ZNF236: variants seen among roughly 807,000 people sequenced by gnomAD.
The protein encoded by ZNF236 is regulated by glucose.
A neutral mutation model predicts 191.2 loss-of-function variants in ZNF236; 50 were observed. The ratio of observed to expected loss-of-function variants is 0.26; its 90% CI spans 0.21 to 0.33. The LOEUF is 0.33. ZNF236 is among the 10% of genes least tolerant of loss of function. The probability of loss-of-function intolerance (pLI) is 1.00; values close to 1 mark genes in which losing one functional copy is unlikely to be tolerated. For synonymous variants in ZNF236, 907 were observed against 928.8 expected (o/e 0.98, Z 0.43); for missense variants, 1,754 against 2,374.5 (o/e 0.74, Z 5.43).
At chr18:76,828,195 C>A (rs1305256479) in intron 1 of ZNF236, among the ~76,000 whole-genome samples, 1 of 148,900 alleles carries the variant, frequency 6.7e-6, no homozygotes, top group Non-Finnish European at 1.5e-5. Flanking sequence ...GAGACAAGGT[C>A]TCGTTCTCTC....
At chr18:76,839,001 G>A (rs1166532179) in intron 1 of ZNF236, among the ~76,000 whole-genome samples, 1 of 152,170 alleles carries the variant, frequency 6.6e-6, no homozygotes, top group Admixed American at 6.5e-5. Context: ...GTTTTCTTAC[G>A]TCTGGCTTCT....
At chr18:76,871,600 T>A (rs1976585766) in intron 4 of ZNF236, 101 bp from the exon 5 acceptor site, 2 of 1,376,132 alleles carry the variant, frequency 1.5e-6, no homozygotes, top group South Asian at 2.5e-5. Context: ...AAACAGGTTC[T>A]GATGACTAGT....
Position 76,913,802 on chromosome 18 carries a change from C to T in ZNF236, c.2965C>T (p.Arg989Trp), listed in dbSNP as rs763298466. The T allele has an allele frequency of 8.7e-6, 14 of 1,614,204 alleles. No individual in the cohort carries two copies. Among genetic ancestry groups the T allele is most frequent in the South Asian group, 5.5e-5 (5 of 91,086 alleles). Residue 989 changes from arginine (R) to tryptophan (W), a missense_variant, in exon 18 of 31, where the codon CGG (arginine) becomes TGG (tryptophan). Arg to Trp is a moderately radical substitution (Grantham distance 101). Transcript: ENST00000320610. Reference sequence around the variant, plus strand: ...GTCCAGCCACCTGAAGCAGCATGTGCGGTCGCACACCGGGGAAAAGCCCTA... The same window carrying T: ...GTCCAGCCACCTGAAGCAGCATGTGTGGTCGCACACCGGGGAAAAGCCCTA... Reference protein sequence around the residue: ...KKSSHLKQHVRSHTGEKPYKC... With the variant: ...KKSSHLKQHVWSHTGEKPYKC...
intron 10 of ZNF236, among the ~76,000 whole-genome samples, chr18:76,896,408 C>T (rs1291186948): frequency 6.8e-6 from 1 of 147,568 alleles, no homozygotes; most frequent in Non-Finnish European, 1.5e-5. Flanking sequence ...GTACCAAACA[C>T]AGTACTACAC....
rs1312539325 is a variant in ZNF236 at position 76,927,873 on chromosome 18, G to A, written c.4415-54G>A. 2.8e-5 allele frequency: 37 copies of A among 1,300,956 alleles called. No individual in the cohort carries two copies. Among genetic ancestry groups the A allele is most frequent in the Non-Finnish European group, 3.9e-5 (37 of 953,016 alleles). 80.6% of individuals were successfully genotyped at this position (1,300,956 alleles called of 1,614,324 possible). Reference sequence around the variant, plus strand: ...TAAAATATTTTTAATATAAAAACAGGGGAAATTGGTTATTTTGAATCTCAA... The same window carrying A: ...TAAAATATTTTTAATATAAAAACAGAGGAAATTGGTTATTTTGAATCTCAA... On this transcript the variant is annotated intron_variant, in intron 24 of 30. Coordinates refer to ENST00000320610, the MANE Select transcript of ZNF236 (RefSeq NM_001306089.2). The surrounding 1 kb of genome is among the most constrained non-coding windows in gnomAD (Gnocchi z 5.4).
intron 11 of ZNF236, among the ~76,000 whole-genome samples, chr18:76,901,886 C>T (rs530345131): frequency 6.6e-6 from 1 of 152,282 alleles, no homozygotes; most frequent in South Asian, 2.1e-4. Context: ...GCGTAGAATA[C>T]TTTGATATCC....
chr18:76,881,788 G>A (rs1976909973), intron 9 of ZNF236, among the ~76,000 whole-genome samples: 1 of 152,164 alleles, frequency 6.6e-6, no homozygotes, highest in African/African-American at 2.4e-5. Flanking sequence ...CTGTTCTCTT[G>A]AAAGCTTGTT....
At chr18:76,857,136 C>T (rs563583145) in intron 3 of ZNF236, among the ~76,000 whole-genome samples, 17 of 151,958 alleles carry the variant, frequency 1.1e-4, no homozygotes, top group African/African-American at 3.6e-4. Context: ...AGGGCCTCCC[C>T]GCCTCCCCAT....
intron 1 of ZNF236, chr18:76,824,367 T>C (rs200591884): frequency 8.2e-5 from 64 of 780,974 alleles, no homozygotes; most frequent in Admixed American, 3.4e-5. Context: ...CATGGGCCTT[T>C]GTGGGCTGCT....
intron 11 of ZNF236, among the ~76,000 whole-genome samples, chr18:76,902,072 T>C (rs1406945806): frequency 6.6e-6 from 1 of 152,206 alleles, no homozygotes; most frequent in Non-Finnish European, 1.5e-5. Flanking sequence ...TATATTTTGC[T>C]TGTTGGCTTC....
intron 10 of ZNF236, 144 bp from the exon 11 acceptor site, chr18:76,898,875 T>C: frequency 1.4e-6 from 1 of 704,794 alleles, no homozygotes; most frequent in Non-Finnish European, 2.3e-6. Flanking sequence ...GGAAAATAAT[T>C]TACAATATCC....
chr18:76,843,665 A>C (rs1482142591), intron 1 of ZNF236, among the ~76,000 whole-genome samples: 1 of 150,706 alleles, frequency 6.6e-6, no homozygotes, highest in African/African-American at 2.4e-5. Context: ...AGTCCCAGCT[A>C]CTCAGGAGGC....
intron 3 of ZNF236, 54 bp downstream of exon 3, chr18:76,851,993 G>A: frequency 6.6e-7 from 1 of 1,508,992 alleles, no homozygotes; most frequent in Non-Finnish European, 8.9e-7. Flanking sequence ...AAATACATCT[G>A]ATCATGAGTC....
intron 25 of ZNF236, among the ~76,000 whole-genome samples, chr18:76,929,698 G>C (rs151260753): frequency 6.6e-6 from 1 of 152,134 alleles, no homozygotes; most frequent in Non-Finnish European, 1.5e-5. Flanking sequence ...TCAACTTTGG[G>C]CTTCAGATTG....
At chr18:76,904,225 A>G (rs1010173327) in intron 11 of ZNF236, among the ~76,000 whole-genome samples, 155 bp from the exon 12 acceptor site, 24 of 152,048 alleles carry the variant, frequency 1.6e-4, no homozygotes, top group Admixed American at 8.5e-4. Context: ...TTCTTTGAAT[A>G]GCCAGTTCCT....
intron 9 of ZNF236, among the ~76,000 whole-genome samples, chr18:76,891,736 C>G (rs904713729): frequency 2.0e-5 from 3 of 151,828 alleles, no homozygotes; most frequent in Non-Finnish European, 4.4e-5. Context: ...AGGTGGCCAC[C>G]CAGATGTGCA....
At chr18:76,903,557 G>C (rs1156651342) in intron 11 of ZNF236, among the ~76,000 whole-genome samples, 2 of 152,200 alleles carry the variant, frequency 1.3e-5, no homozygotes, top group Admixed American at 6.5e-5. Flanking sequence ...ATGGAGAGCT[G>C]TGGGCAGAGG....
chr18:76,924,114 G>A (rs891049574), intron 21 of ZNF236, among the ~76,000 whole-genome samples: 1 of 152,152 alleles, frequency 6.6e-6, no homozygotes, highest in African/African-American at 2.4e-5. Flanking sequence ...CCCTGAGCTT[G>A]TTTATATGAC....
At chr18:76,832,572 GT>G (rs970413214) in intron 1 of ZNF236, among the ~76,000 whole-genome samples, 98 of 139,774 alleles carry the variant, frequency 7.0e-4, no homozygotes, top group African/African-American at 1.6e-3. Flanking sequence ...CTTTTCCACT[GT>G]TTTTTTTTTT....
Sources: allele counts gnomAD v4.1 joint callset (sites outside exome capture counted in the v4.1 genomes callset), GRCh38; gene constraint gnomAD v4.1.1; non-coding constraint Gnocchi (gnomAD v3.1); transcripts MANE v1.5; gene names NCBI Gene and HGNC (gene_info 2026-07-23, HGNC 2026-07-21).